Variants in ZFYVE9 observed in about 807,000 individuals in gnomAD.
ZFYVE9 encodes the protein zinc finger FYVE-type containing 9, also known as zinc finger FYVE domain-containing protein 9.
ZFYVE9 carries 43 observed loss-of-function variants against 126.7 expected under a neutral mutation model. That is an observed-to-expected ratio of 0.34 (90% confidence interval 0.27 to 0.44). The LOEUF is 0.44. Among genes scored for constraint, ZFYVE9 ranks in the 20% least tolerant of loss-of-function variants. The pLI is 1.00. For missense variants in ZFYVE9, 1,476 were observed against 1,697.0 expected (o/e 0.87, Z 2.29); for synonymous variants, 521 against 597.4 (o/e 0.87, Z 1.87).
chr1:52,284,101 C>A (rs1233289912), intron 10 of ZFYVE9, among the ~76,000 whole-genome samples: 1 of 152,176 alleles, frequency 6.6e-6, no homozygotes, highest in Non-Finnish European at 1.5e-5. Flanking sequence ...TGTTGGTCTT[C>A]TTCTATTCAC....
At chr1:52,281,525 C>G in intron 9 of ZFYVE9, 136 bp from the exon 10 acceptor site, 1 of 990,652 alleles carries the variant, frequency 1.0e-6, no homozygotes, top group Non-Finnish European at 1.4e-6. Flanking sequence ...AGTGACAGTT[C>G]ACAGTTGAAT....
chr1:52,312,618 T>C (rs1393754130), intron 13 of ZFYVE9, among the ~76,000 whole-genome samples: 1 of 152,214 alleles, frequency 6.6e-6, no homozygotes, highest in Non-Finnish European at 1.5e-5. Flanking sequence ...AGAAGTCTTA[T>C]TCCTGACAGC....
intron 12 of ZFYVE9, among the ~76,000 whole-genome samples, chr1:52,301,691 C>T (rs948636370): frequency 4.6e-5 from 7 of 152,144 alleles, no homozygotes; most frequent in African/African-American, 1.4e-4. Context: ...TCATGTTTCC[C>T]GTACTTGGGG....
At chr1:52,153,247 A>T (rs945204466) in intron 1 of ZFYVE9, among the ~76,000 whole-genome samples, 38 of 152,194 alleles carry the variant, frequency 2.5e-4, no homozygotes, top group African/African-American at 8.9e-4. Context: ...TGATGCACAG[A>T]TCCATATCTT....
intron 10 of ZFYVE9, 96 bp downstream of exon 10, chr1:52,281,912 C>A: frequency 7.1e-7 from 1 of 1,411,712 alleles, no homozygotes. Context: ...TGGACTTAAG[C>A]ATGGCAGGGG....
chr1:52,278,289 G>A (rs1645767735), intron 8 of ZFYVE9, among the ~76,000 whole-genome samples: 2 of 152,162 alleles, frequency 1.3e-5, no homozygotes, highest in African/African-American at 2.4e-5. Flanking sequence ...ATCATCTAAG[G>A]TGGACTGGGT....
At position 52,303,945 on chromosome 1, in the gene ZFYVE9, C is replaced by G. The variant is rs779800671; in HGVS notation, c.3438+20C>G. The G allele has an allele frequency of 1.3e-6, 2 of 1,531,164 alleles. No homozygotes were observed. The highest frequency in any genetic ancestry group is 2.8e-5 in the African/African-American group (2 of 72,198). The allele number at this position is 1,531,164 out of a possible 1,614,324, so 94.8% of individuals were successfully genotyped here. On this transcript the variant is annotated intron_variant, in intron 13 of 18. Coordinates refer to ENST00000287727, the MANE Select transcript of ZFYVE9 (RefSeq NM_004799.4). ...AATGAGGTAAGATTTACCATGAAGG[C>G]GTATTTTTCATAGTTGAAAACATGA... is the stretch of plus-strand genomic sequence containing the variant.
chr1:52,220,638 C>T (rs764606168), intron 2 of ZFYVE9, among the ~76,000 whole-genome samples: 46 of 152,146 alleles, frequency 3.0e-4, no homozygotes, highest in Non-Finnish European at 4.9e-4. Flanking sequence ...GGCTACATTG[C>T]ACATAGCTTG....
chr1:52,161,780 C>G (rs926837999), intron 1 of ZFYVE9, among the ~76,000 whole-genome samples: 1 of 152,110 alleles, frequency 6.6e-6, no homozygotes, highest in Non-Finnish European at 1.5e-5. Flanking sequence ...CCAAACATGA[C>G]ATGACTGAAC....
intron 10 of ZFYVE9, 39 bp downstream of exon 10, chr1:52,281,855 A>G (rs1645808821): frequency 6.2e-7 from 1 of 1,607,818 alleles, no homozygotes; most frequent in Non-Finnish European, 8.5e-7. Flanking sequence ...CCCTTTGTAG[A>G]TGACAAAAAA....
chr1:52,234,594 TCC>T (rs1645256455), intron 3 of ZFYVE9, among the ~76,000 whole-genome samples: 1 of 152,246 alleles, frequency 6.6e-6, no homozygotes, highest in African/African-American at 2.4e-5. Flanking sequence ...TTTAATGCTC[TCC>T]AGCCTTAAAT....
intron 1 of ZFYVE9, among the ~76,000 whole-genome samples, chr1:52,193,835 T>C (rs1032184686): frequency 1.3e-5 from 2 of 151,362 alleles, no homozygotes; most frequent in Non-Finnish European, 2.9e-5. Context: ...CAAGGAGGCA[T>C]ATACAAGGGT....
rs376206717 is a variant in ZFYVE9 at position 52,273,552 on chromosome 1, C to T, written c.2626-912C>T. ...ATGCAAAGAAAAACAAACTTCAGGCCGGGTGCAGTGGCTCACACCTGTAAT... is the reference window on the plus strand; with the variant it reads ...ATGCAAAGAAAAACAAACTTCAGGCTGGGTGCAGTGGCTCACACCTGTAAT... On this transcript the variant is annotated intron_variant, in intron 7 of 18. Coordinates refer to ENST00000287727, the MANE Select transcript of ZFYVE9 (RefSeq NM_004799.4). Among the ~76,000 whole-genome samples, 22 of 151,952 alleles carry T rather than the reference C, an allele frequency of 1.4e-4. No individual in the cohort carries two copies. The East Asian group carries it at 2.1e-3, about 15-fold the overall frequency.
intron 2 of ZFYVE9, among the ~76,000 whole-genome samples, chr1:52,228,516 A>G (rs190866643): frequency 9.2e-5 from 14 of 152,172 alleles, no homozygotes; most frequent in African/African-American, 2.9e-4. Flanking sequence ...AGCTAGAGTT[A>G]TCAGTTTTTA....
At chr1:52,283,314 C>T (rs1416175559) in intron 10 of ZFYVE9, among the ~76,000 whole-genome samples, 2 of 152,036 alleles carry the variant, frequency 1.3e-5, no homozygotes, top group African/African-American at 4.8e-5. Flanking sequence ...TCATGAATGT[C>T]TTATTTAGGA....
intron 17 of ZFYVE9, among the ~76,000 whole-genome samples, chr1:52,342,315 C>A (rs978234115): frequency 9.7e-5 from 14 of 143,648 alleles, no homozygotes; most frequent in Non-Finnish European, 3.0e-5. Context: ...GCCCAGACGG[C>A]AGTGCAGTGG....
At chr1:52,145,091 A>G (rs1427525518) in intron 1 of ZFYVE9, among the ~76,000 whole-genome samples, 1 of 152,208 alleles carries the variant, frequency 6.6e-6, no homozygotes, top group Non-Finnish European at 1.5e-5. Context: ...GGAACGTGCT[A>G]AATCTCTGTT....
intron 8 of ZFYVE9, among the ~76,000 whole-genome samples, chr1:52,276,794 C>T (rs910331945): frequency 6.6e-6 from 1 of 152,182 alleles, no homozygotes; most frequent in African/African-American, 2.4e-5. Context: ...TTCCTATAGA[C>T]TGTTGGCTAC....
intron 10 of ZFYVE9, among the ~76,000 whole-genome samples, chr1:52,288,932 A>AG (rs1230440366): frequency 6.7e-6 from 1 of 150,130 alleles, no homozygotes; most frequent in African/African-American, 2.5e-5. Flanking sequence ...TCTCAAAAAA[A>AG]AAAAAAAAAA....
Sources: gnomAD v4.1 joint callset for allele counts (sites outside exome capture counted in the v4.1 genomes callset) on GRCh38, gnomAD v4.1.1 for gene constraint, MANE v1.5 for transcripts, NCBI Gene and HGNC (gene_info 2026-07-23, HGNC 2026-07-21) for gene names.